The following ADAMTS16 variants were observed in gnomAD, a reference collection of about 807,000 sequenced individuals.
ADAMTS16 encodes A disintegrin and metalloproteinase with thrombospondin motifs 16.
ADAMTS16 carries 94 observed loss-of-function variants against 145.8 expected under a neutral mutation model. The observed-to-expected ratio is 0.64, with a 90% confidence interval of 0.55 to 0.77. The LOEUF is 0.77. Among genes scored for constraint, ADAMTS16 ranks in the 30% least tolerant of loss-of-function variants. The probability of loss-of-function intolerance (pLI) is 0.00; values close to 1 mark genes in which losing one functional copy is unlikely to be tolerated. For synonymous variants in ADAMTS16, 659 were observed against 604.3 expected, an observed-to-expected ratio of 1.09 and a Z score of -1.33; for missense variants, 1,585 against 1,591.5, an observed-to-expected ratio of 1.00 and a Z score of 0.07.
At chr5:5,206,165 G>A (rs1736102484) in intron 9 of ADAMTS16, among the ~76,000 whole-genome samples, 1 of 151,664 alleles carries the variant, frequency 6.6e-6, no homozygotes, top group Non-Finnish European at 1.5e-5. Flanking sequence ...GGTGGCTCAC[G>A]GCTGTAATCC....
intron 17 of ADAMTS16, among the ~76,000 whole-genome samples, chr5:5,258,425 A>G (rs963118970): frequency 2.0e-5 from 3 of 152,224 alleles, no homozygotes; most frequent in Admixed American, 1.3e-4. Flanking sequence ...TAGAAATGCA[A>G]ATTCTAAGAC....
At chr5:5,312,949 C>A (rs552062625) in intron 21 of ADAMTS16, among the ~76,000 whole-genome samples, 3 of 152,198 alleles carry the variant, frequency 2.0e-5, no homozygotes, top group Non-Finnish European at 2.9e-5. Flanking sequence ...GCCAAGCCCA[C>A]GTTCACCACC....
In ADAMTS16 at chr5:5,140,447, A is replaced by G; in HGVS notation, c.-21A>G. The G allele has an allele frequency of 6.7e-7, 1 of 1,501,906 alleles. No homozygotes were observed. Among genetic ancestry groups the G allele is most frequent in the Non-Finnish European group, 8.8e-7 (1 of 1,133,706 alleles). 93.0% of individuals were successfully genotyped at this position (1,501,906 alleles called of 1,614,324 possible). On this transcript the variant is annotated 5_prime_UTR_variant, in exon 1 of 23. Transcript: ENST00000274181. ...GGCCGGGGACCCTCCGGTGGCCCCTAGCCCCTCGGAGCGCTCCTGGATGAA... is the reference window on the plus strand; with the variant it reads ...GGCCGGGGACCCTCCGGTGGCCCCTGGCCCCTCGGAGCGCTCCTGGATGAA...
rs1225045247 is a variant in ADAMTS16, at chr5:5,262,695, A to C, written c.2701A>C (p.Lys901Gln). The part of the protein sequence containing the change: ...TVREGCYRDL[K>Q]FQVNMSFCNP... ...GAGAGAGGGCTGCTACAGAGACCTG[A>C]AGTTTCAAGTAAATATGTCCTTCTG... Residue 901 changes from lysine to glutamine, a missense_variant, in exon 18 of 23, where the codon AAG (lysine) becomes CAG (glutamine). Coordinates refer to ENST00000274181, the MANE Select transcript of ADAMTS16 (RefSeq NM_139056.4). 6 of 1,614,230 alleles carry C rather than the reference A, an allele frequency of 3.7e-6. No individual in the cohort carries two copies. Among genetic ancestry groups the C allele is most frequent in the Non-Finnish European group, 5.1e-6 (6 of 1,180,034 alleles).
At chr5:5,197,753 G>A (rs774524968) in intron 8 of ADAMTS16, among the ~76,000 whole-genome samples, 3 of 152,160 alleles carry the variant, frequency 2.0e-5, no homozygotes, top group Non-Finnish European at 2.9e-5. Flanking sequence ...TAATCACTGT[G>A]TGCTACTTTT....
At chr5:5,280,373 A>G (rs997908198) in intron 18 of ADAMTS16, among the ~76,000 whole-genome samples, 1 of 152,118 alleles carries the variant, frequency 6.6e-6, no homozygotes, top group African/African-American at 2.4e-5. Context: ...GTGTGTTTCA[A>G]TTTATTATTG....
chr5:5,234,696 C>T (rs1203077960), intron 12 of ADAMTS16, among the ~76,000 whole-genome samples: 2 of 151,914 alleles, frequency 1.3e-5, no homozygotes, highest in Middle Eastern at 3.2e-3. Context: ...ATGGTGAAAC[C>T]TCGTCTTTAC....
intron 9 of ADAMTS16, among the ~76,000 whole-genome samples, chr5:5,205,221 T>C (rs1020817672): frequency 1.3e-5 from 2 of 152,122 alleles, no homozygotes; most frequent in African/African-American, 4.8e-5. Context: ...CTTTTAATGG[T>C]GCCTTTTGCT....
chr5:5,191,656 T>C, intron 7 of ADAMTS16, 29 bp from the exon 8 acceptor site: 1 of 1,539,170 alleles, frequency 6.5e-7, no homozygotes, highest in South Asian at 1.1e-5. Flanking sequence ...AACACCGCTA[T>C]GTGTTCTTTT....
intron 17 of ADAMTS16, among the ~76,000 whole-genome samples, chr5:5,261,737 G>A (rs1277928320): frequency 2.0e-5 from 3 of 152,150 alleles, no homozygotes; most frequent in African/African-American, 7.2e-5. Context: ...ACCCGCCTCG[G>A]CCGCCCAAAG....
At chr5:5,141,645 C>CTGAG (rs1364294485) in intron 2 of ADAMTS16, among the ~76,000 whole-genome samples, 1 of 152,158 alleles carries the variant, frequency 6.6e-6, no homozygotes, top group Non-Finnish European at 1.5e-5. Context: ...AGGTTTCATT[C>CTGAG]TCTCAATGTA....
intron 3 of ADAMTS16, among the ~76,000 whole-genome samples, chr5:5,161,523 G>C (rs1424341188): frequency 6.6e-6 from 1 of 152,150 alleles, no homozygotes; most frequent in African/African-American, 2.4e-5. Flanking sequence ...ATCATGTTGG[G>C]CAAAATATCA....
rs536234503 is a variant in ADAMTS16 at position 5,223,629 on chromosome 5, C to G, written c.1701+745C>G. 10 of 151,690 alleles carry G rather than the reference C, an allele frequency of 6.6e-5. No homozygotes were observed. In the South Asian group the frequency reaches 2.1e-3, roughly 31 times the overall value. 9.4% of individuals were successfully genotyped at this position (151,690 alleles called of 1,614,324 possible). ...ACAAATCTGCACATGTACCCCTGAA[C>G]CTAAAACAAAAGTCGGAAAAAAAAG... On this transcript the variant is annotated intron_variant, in intron 11 of 22. Coordinates refer to ENST00000274181, the MANE Select transcript of ADAMTS16 (RefSeq NM_139056.4).
intron 8 of ADAMTS16, among the ~76,000 whole-genome samples, chr5:5,192,391 G>A (rs1735686348): frequency 6.6e-6 from 1 of 152,162 alleles, no homozygotes; most frequent in African/African-American, 2.4e-5. Context: ...TCTAAATGAT[G>A]AAGAACAGTG....
chr5:5,287,177 G>A (rs1341520800), intron 18 of ADAMTS16, among the ~76,000 whole-genome samples: 1 of 152,156 alleles, frequency 6.6e-6, no homozygotes, highest in East Asian at 1.9e-4. Flanking sequence ...GACTTATCAA[G>A]AAAGATGACT....
At chr5:5,201,137 A>T (rs148085298) in intron 9 of ADAMTS16, among the ~76,000 whole-genome samples, 125 of 152,254 alleles carry the variant, frequency 8.2e-4, no homozygotes, top group African/African-American at 2.8e-3. Context: ...TTCCTCTTCC[A>T]GGACCTAGTT....
chr5:5,188,561 T>A (rs1024891115), intron 6 of ADAMTS16, among the ~76,000 whole-genome samples: 1 of 152,230 alleles, frequency 6.6e-6, no homozygotes, highest in South Asian at 2.1e-4. Context: ...GAGTGGGTAC[T>A]GGACAGGAGC....
intron 9 of ADAMTS16, among the ~76,000 whole-genome samples, chr5:5,208,103 T>C (rs77988587): frequency 0.025 from 3,844 of 152,298 alleles, 86 homozygotes; most frequent in South Asian, 0.088. Context: ...TTGGTATAAG[T>C]TCTTCCCTAA....
intron 18 of ADAMTS16, among the ~76,000 whole-genome samples, chr5:5,271,439 T>A (rs1560980153): frequency 6.6e-6 from 1 of 152,258 alleles, no homozygotes; most frequent in African/African-American, 2.4e-5. Context: ...GGCTCCTCCC[T>A]GCGCGGGCAC....
Sources: gnomAD v4.1 joint callset for allele counts (sites outside exome capture counted in the v4.1 genomes callset) on GRCh38, gnomAD v4.1.1 for gene constraint, MANE v1.5 for transcripts, NCBI Gene and HGNC (gene_info 2026-07-23, HGNC 2026-07-21) for gene names.